The following SYT1 variants were observed in gnomAD, a reference collection of about 807,000 sequenced individuals.
SYT1 encodes the protein synaptotagmin 1, also known as synaptotagmin-1.
SYT1 carries 8 observed loss-of-function variants against 44.8 expected under a neutral mutation model. The ratio of observed to expected loss-of-function variants is 0.18; its 90% CI spans 0.10 to 0.32. SYT1 has a LOEUF of 0.32. Ranked by LOEUF, SYT1 falls within the 10% of genes least tolerant of loss-of-function variation. The pLI is 1.00. For missense variants in SYT1, 286 were observed against 509.3 expected, an observed-to-expected ratio of 0.56 and a Z score of 4.22; for synonymous variants, 154 against 188.8, an observed-to-expected ratio of 0.82 and a Z score of 1.51.
chr12:79,150,383 A>G (rs1870196983), intron 3 of SYT1, among the ~76,000 whole-genome samples: 1 of 152,218 alleles, frequency 6.6e-6, no homozygotes, highest in Non-Finnish European at 1.5e-5. Flanking sequence ...TCACTTATAT[A>G]TGGACTCTTA....
intron 2 of SYT1, among the ~76,000 whole-genome samples, chr12:79,029,359 A>T (rs1437314239): frequency 1.0e-5 from 1 of 97,694 alleles, no homozygotes; most frequent in East Asian, 2.5e-4. Context: ...ACAAATCAGT[A>T]AAAAAAAAAA....
intron 8 of SYT1, among the ~76,000 whole-genome samples, chr12:79,340,386 A>G (rs1449911407): frequency 6.6e-6 from 1 of 152,110 alleles, no homozygotes; most frequent in East Asian, 1.9e-4. Context: ...GGTCCTTCAC[A>G]TCCCTTGTAA....
At chr12:79,022,864 A>G (rs1872286684) in intron 2 of SYT1, among the ~76,000 whole-genome samples, 1 of 151,750 alleles carries the variant, frequency 6.6e-6, no homozygotes, top group Non-Finnish European at 1.5e-5. Context: ...ATATACAGCA[A>G]AACAACCCAG....
intron 4 of SYT1, among the ~76,000 whole-genome samples, chr12:79,249,223 G>A (rs1877041830): frequency 6.7e-6 from 1 of 148,542 alleles, no homozygotes; most frequent in Admixed American, 6.8e-5. Flanking sequence ...TCCTGCCTCA[G>A]CTTCCCGAGT....
intron 1 of SYT1, among the ~76,000 whole-genome samples, chr12:78,961,617 A>T (rs1033444176): frequency 6.6e-6 from 1 of 152,084 alleles, no homozygotes; most frequent in African/African-American, 2.4e-5. Context: ...GCAGTATGGC[A>T]TATAAACATG....
chr12:79,361,646 G>T (rs1883319896), intron 9 of SYT1, among the ~76,000 whole-genome samples: 1 of 152,172 alleles, frequency 6.6e-6, no homozygotes, highest in African/African-American at 2.4e-5. Context: ...AGTTATAGAT[G>T]ATTTTTATGC....
At chr12:79,409,598 A>G (rs571027633) in intron 9 of SYT1, among the ~76,000 whole-genome samples, 5 of 152,268 alleles carry the variant, frequency 3.3e-5, no homozygotes, top group African/African-American at 1.2e-4. Flanking sequence ...CAGCCTTATT[A>G]GAGAGTGGGG....
intron 3 of SYT1, among the ~76,000 whole-genome samples, chr12:79,117,355 G>T (rs1048060832): frequency 2.8e-4 from 43 of 151,796 alleles, no homozygotes; most frequent in African/African-American, 1.0e-3. Context: ...TGTTAAATTC[G>T]CCAACTGCTG....
At chr12:79,122,461 C>T (rs528765404) in intron 3 of SYT1, among the ~76,000 whole-genome samples, 49 of 132,014 alleles carry the variant, frequency 3.7e-4, no homozygotes, top group Middle Eastern at 4.2e-3. Context: ...TTGCAGTGAG[C>T]CGAGATCGCG....
chr12:79,127,938 A>T (rs1435496497), intron 3 of SYT1, among the ~76,000 whole-genome samples: 1 of 152,218 alleles, frequency 6.6e-6, no homozygotes, highest in Non-Finnish European at 1.5e-5. Flanking sequence ...AGATAGATAG[A>T]TGGGTAGATA....
At chr12:79,072,176 A>G (rs1876327649) in intron 3 of SYT1, among the ~76,000 whole-genome samples, 1 of 152,172 alleles carries the variant, frequency 6.6e-6, no homozygotes, top group Non-Finnish European at 1.5e-5. Context: ...AATAAAAAAG[A>G]TAAACTAAAT....
At chr12:79,229,601 TTTA>T (rs1875740773) in intron 4 of SYT1, among the ~76,000 whole-genome samples, 1 of 69,392 alleles carries the variant, frequency 1.4e-5, no homozygotes, top group South Asian at 3.1e-4. Context: ...TTTTTATTTT[TTTA>T]TTTTTTTTAG....
chr12:79,429,835 T>C (rs1869674831), intron 9 of SYT1, among the ~76,000 whole-genome samples: 1 of 152,248 alleles, frequency 6.6e-6, no homozygotes, highest in Non-Finnish European at 1.5e-5. Flanking sequence ...AGTGTTAATC[T>C]GGGCAAGTAA....
At chr12:79,254,512 T>C (rs1404634056) in intron 4 of SYT1, among the ~76,000 whole-genome samples, 2 of 152,244 alleles carry the variant, frequency 1.3e-5, no homozygotes, top group Admixed American at 1.3e-4. Context: ...TCATGCTTGT[T>C]AACACAACAT....
intron 3 of SYT1, among the ~76,000 whole-genome samples, chr12:79,063,930 G>T (rs1433983691): frequency 6.6e-6 from 1 of 152,060 alleles, no homozygotes; most frequent in Non-Finnish European, 1.5e-5. Context: ...GGCGAGATTG[G>T]TTTCTCCCTC....
chr12:78,931,215 GAAAGAAAGAAAGAAAGAAAGAAA>G (rs1364890553), intron 1 of SYT1, among the ~76,000 whole-genome samples: 24 of 52,130 alleles, frequency 4.6e-4, no homozygotes, highest in African/African-American at 2.3e-3. Flanking sequence ...AAGAAAGAAA[GAAAGAAAGAAAGAAAGAAAGAAA>G]GAAGGAAGGA....
intron 9 of SYT1, among the ~76,000 whole-genome samples, chr12:79,412,381 A>G (rs1868485681): frequency 6.6e-6 from 1 of 152,186 alleles, no homozygotes; most frequent in Non-Finnish European, 1.5e-5. Context: ...CTTAGTTTGC[A>G]TGCTTCAGCC....
intron 3 of SYT1, among the ~76,000 whole-genome samples, chr12:79,167,948 A>C (rs1334404232): frequency 6.6e-6 from 1 of 151,968 alleles, no homozygotes; most frequent in Non-Finnish European, 1.5e-5. Flanking sequence ...GGGTTCACTC[A>C]CCACAGGGTT....
chr12:79,040,240 C>G (rs1402740191), intron 2 of SYT1, among the ~76,000 whole-genome samples: 11 of 150,822 alleles, frequency 7.3e-5, no homozygotes, highest in African/African-American at 2.7e-4. Context: ...GTCCCACCAA[C>G]AGTGTAAAAG....
Sources: gnomAD v4.1 joint callset for allele counts (sites outside exome capture counted in the v4.1 genomes callset) on GRCh38, gnomAD v4.1.1 for gene constraint, MANE v1.5 for transcripts, NCBI Gene and HGNC (gene_info 2026-07-23, HGNC 2026-07-21) for gene names.